LRRC71: variants seen among roughly 807,000 people sequenced by gnomAD.
LRRC71 encodes leucine rich repeat containing 71.
Under a neutral mutation model 66.6 loss-of-function variants are expected in LRRC71, and 54 were observed. The ratio of observed to expected loss-of-function variants is 0.81; its 90% CI spans 0.65 to 1.02. The LOEUF is 1.02. LRRC71 is among the 50% of genes least tolerant of loss of function. The pLI is 0.00. For missense variants in LRRC71, 724 were observed against 718.0 expected, an observed-to-expected ratio of 1.01 and a Z score of -0.10; for synonymous variants, 323 against 303.9, an observed-to-expected ratio of 1.06 and a Z score of -0.65.
At chr1:156,928,326 TTTC>T (rs942711890) in intron 9 of LRRC71, among the ~76,000 whole-genome samples, 18 of 137,964 alleles carry the variant, frequency 1.3e-4, no homozygotes, top group Admixed American at 7.6e-5. Flanking sequence ...CTTCTTCTTC[TTTC>T]TTTTTTCTTT....
chr1:156,933,306 G>A (rs910326898), downstream of LRRC71, among the ~76,000 whole-genome samples: 4 of 152,224 alleles, frequency 2.6e-5, no homozygotes, highest in Non-Finnish European at 4.4e-5. Context: ...TTCCCCCACC[G>A]TGTTCCCTAG....
Position 156,932,428 on chromosome 1 carries a change from C to T in LRRC71, c.1446C>T (p.Asn482=). 1 of 1,612,730 alleles carries T rather than the reference C, an allele frequency of 6.2e-7. No homozygotes were observed. Among genetic ancestry groups the T allele is most frequent in the Non-Finnish European group, 8.5e-7 (1 of 1,179,646 alleles). ...CCTGTCTGTAACTTCCACCAGGGAACCGCATCACAGAGGTGGGGCTGGAGG... is the reference window on the plus strand; with the variant it reads ...CCTGTCTGTAACTTCCACCAGGGAATCGCATCACAGAGGTGGGGCTGGAGG... The part of the protein sequence containing the change: ...KVLLHLNLIR[N]RITEVGLEGF... The change falls in exon 14 of 15, where the codon AAC becomes AAT. Residue 482 remains asparagine, a synonymous_variant. Transcript: ENST00000337428.
chr1:156,923,919 C>CT (rs1652777686), intron 1 of LRRC71, 30 bp from the exon 2 acceptor site: 1 of 1,441,262 alleles, frequency 6.9e-7, no homozygotes. Context: ...GGCGTGGCCC[C>CT]TTCTCTCACG....
At chr1:156,937,910 C>G (rs1235387239), downstream of LRRC71, among the ~76,000 whole-genome samples, 1 of 152,230 alleles carries the variant, frequency 6.6e-6, no homozygotes, top group Non-Finnish European at 1.5e-5. Context: ...TGCCCTGCCC[C>G]TCTTCCATCC....
chr1:156,929,380 A>C lies in LRRC71; in HGVS notation c.1097A>C (p.Gln366Pro), dbSNP rs779314949. 4 of 1,613,766 alleles carry C rather than the reference A, an allele frequency of 2.5e-6. No homozygotes were observed. Among genetic ancestry groups the C allele is most frequent in the Non-Finnish European group, 3.4e-6 (4 of 1,179,860 alleles). Residue 366 changes from glutamine (Q) to proline (P), a missense_variant, in exon 10 of 15, where the codon CAG (glutamine) becomes CCG (proline). Transcript: ENST00000337428. ...SALVDKTDKTQTMKTPKGLGK... is the reference protein window; with the variant it reads ...SALVDKTDKTPTMKTPKGLGK... ...TTGGTGGACAAGACAGACAAGACGC[A>C]GACAATGAAAACCCCTAAGGGCCTG...
chr1:156,932,579 A>AC (rs1654541450), intron 14 of LRRC71, 34 bp downstream of exon 14: 2 of 1,613,962 alleles, frequency 1.2e-6, no homozygotes, highest in Non-Finnish European at 1.7e-6. Context: ...GCTGAAGCAG[A>AC]CGTTGCCCCT....
downstream of LRRC71, chr1:156,936,070 G>C (rs1013437557): frequency 9.9e-6 from 16 of 1,613,922 alleles, no homozygotes; most frequent in African/African-American, 1.5e-4. Flanking sequence ...TGTGGGAGGA[G>C]GATGAAGGTG....
downstream of LRRC71, chr1:156,937,419 G>C (rs775939790): frequency 3.2e-6 from 5 of 1,581,300 alleles, no homozygotes; most frequent in Non-Finnish European, 4.3e-6. Context: ...TCAGGCTGAG[G>C]GGGGCTCATG....
chr1:156,933,444 AT>A (rs1002171957), downstream of LRRC71, among the ~76,000 whole-genome samples: 10 of 152,194 alleles, frequency 6.6e-5, no homozygotes, highest in African/African-American at 2.4e-4. Flanking sequence ...CACAGGCTCC[AT>A]GCCCGCTCCC....
intron 1 of LRRC71, among the ~76,000 whole-genome samples, chr1:156,921,297 A>G (rs1461875836): frequency 1.3e-5 from 2 of 152,204 alleles, no homozygotes; most frequent in South Asian, 2.1e-4. Context: ...AATGCCAGCC[A>G]TGAGGCCAGA....
At chr1:156,937,532 A>C, downstream of LRRC71, 1 of 1,503,294 alleles carries the variant, frequency 6.7e-7, no homozygotes, top group Non-Finnish European at 8.9e-7. Flanking sequence ...TCAGGAGGCA[A>C]ACAGAGAAGT....
the LRRC71 span, chr1:156,940,085 C>T: frequency 7.1e-6 from 10 of 1,400,208 alleles, no homozygotes; most frequent in South Asian, 1.4e-4. Flanking sequence ...TCTCCGCATC[C>T]ATCTCTCCTC....
chr1:156,927,924 G>A lies in LRRC71; in HGVS notation c.916G>A (p.Ala306Thr). 2 of 1,611,830 alleles carry A rather than the reference G, an allele frequency of 1.2e-6. No homozygotes were observed. The highest frequency in any genetic ancestry group is 1.1e-5 in the South Asian group (1 of 90,662). The change falls in exon 9 of 15, where the codon GCC becomes ACC. Residue 306 changes from alanine to threonine, a missense_variant. By Grantham distance (58) the Ala-to-Thr change is moderately conservative. Coordinates refer to ENST00000337428, the MANE Select transcript of LRRC71 (RefSeq NM_144702.3). ...CGCCCGCCTCCTTCAGGTCCTGCGCGCCTTCGAGCTGACACACACCGAAGT... is the reference window on the plus strand; with the variant it reads ...CGCCCGCCTCCTTCAGGTCCTGCGCACCTTCGAGCTGACACACACCGAAGT... ...GALKLAEVLRAFELTHTEVVE... is the reference protein window; with the variant it reads ...GALKLAEVLRTFELTHTEVVE...
chr1:156,929,519 A>C (rs912247522), intron 10 of LRRC71, 90 bp downstream of exon 10: 1 of 1,574,662 alleles, frequency 6.4e-7, no homozygotes, highest in African/African-American at 1.4e-5. Flanking sequence ...GAAGAAGGCC[A>C]CATGGGCCTT....
the LRRC71 span, chr1:156,939,982 C>T: frequency 4.5e-6 from 7 of 1,567,628 alleles, no homozygotes; most frequent in Non-Finnish European, 6.0e-6. Flanking sequence ...GTTGTACTGC[C>T]CCACTGACCC....
rs1191597719 is a variant in LRRC71, at chr1:156,927,796, G to C, written c.886G>C (p.Gly296Arg). The C allele has an allele frequency of 1.2e-6, 2 of 1,613,238 alleles. No homozygotes were observed. The highest frequency in any genetic ancestry group is 3.3e-5 in the Admixed American group (2 of 60,030). The part of the protein sequence containing the change: ...SLAHNRIQDK[G>R]ALKLAEVLRA... ...GGCCCACAACCGCATCCAGGACAAG[G>C]GCGCCCTGAAGCTGGCTGAGGTGGG... The change falls in exon 8 of 15, where the codon GGC becomes CGC. Residue 296 changes from glycine (G) to arginine (R), a missense_variant. Physicochemically the swap from Gly to Arg is moderately radical, Grantham distance 125. Transcript: ENST00000337428.
At chr1:156,935,579 C>T (rs533839948), downstream of LRRC71, 14 of 167,884 alleles carry the variant, frequency 8.3e-5, no homozygotes, top group East Asian at 1.6e-3. Flanking sequence ...GGGGAGGCAC[C>T]CACCTCTGCC....
downstream of LRRC71, chr1:156,935,856 CCCCCGGGCCTTGGCTGGA>C: frequency 1.1e-6 from 1 of 914,706 alleles, no homozygotes; most frequent in Non-Finnish European, 1.6e-6. Context: ...TGCGGGTCTC[CCCCCGGGCCTTGGCTGGA>C]TCCTAGTTTC....
At chr1:156,927,845 G>C (rs1274059363) in intron 8 of LRRC71, 29 bp downstream of exon 8, 2 of 1,612,170 alleles carry the variant, frequency 1.2e-6, no homozygotes, top group Non-Finnish European at 1.7e-6. Flanking sequence ...TGGGGCAGGG[G>C]CGTGGGCGGG....
Sources: gnomAD v4.1 joint callset for allele counts (sites outside exome capture counted in the v4.1 genomes callset) on GRCh38, gnomAD v4.1.1 for gene constraint, MANE v1.5 for transcripts, NCBI Gene and HGNC (gene_info 2026-07-23, HGNC 2026-07-21) for gene names.